FBXL17: variants seen among roughly 807,000 people sequenced by gnomAD.
FBXL17 encodes the protein F-box and leucine rich repeat protein 17, also known as F-box/LRR-repeat protein 17.
FBXL17 carries 22 observed loss-of-function variants against 66.2 expected under a neutral mutation model. The observed-to-expected ratio is 0.33, with a 90% CI of 0.24 to 0.47. FBXL17 has a LOEUF of 0.47. FBXL17 is among the 20% of genes least tolerant of loss of function. FBXL17 has a pLI of 1.00. For synonymous variants in FBXL17, 474 were observed against 400.5 expected (o/e 1.18, Z -2.19); for missense variants, 878 against 948.2 (o/e 0.93, Z 0.97).
At chr5:108,272,317 T>TA (rs1279588963) in intron 4 of FBXL17, among the ~76,000 whole-genome samples, 1 of 151,042 alleles carries the variant, frequency 6.6e-6, no homozygotes, top group Non-Finnish European at 1.5e-5. Flanking sequence ...AAATAAAAAT[T>TA]AAAAAATAAA....
At chr5:108,236,952 T>C (rs140543184) in intron 4 of FBXL17, among the ~76,000 whole-genome samples, 5,085 of 152,256 alleles carry the variant, frequency 0.033, 100 homozygotes, top group Non-Finnish European at 0.045. Context: ...AACAGTCATA[T>C]AGATTCGGGT....
chr5:108,088,146 GA>G (rs1192577511), intron 6 of FBXL17, among the ~76,000 whole-genome samples: 1 of 152,046 alleles, frequency 6.6e-6, no homozygotes, highest in African/African-American at 2.4e-5. Flanking sequence ...TAAACCTGGA[GA>G]TCAATTGAAC....
At chr5:107,939,838 A>G (rs937056215) in intron 7 of FBXL17, among the ~76,000 whole-genome samples, 4 of 152,094 alleles carry the variant, frequency 2.6e-5, no homozygotes, top group African/African-American at 9.7e-5. Context: ...CCTGGAAGAG[A>G]AGACCAGGAG....
At position 108,223,145 on chromosome 5, in the gene FBXL17, G is replaced by T. The variant is rs150826870; in HGVS notation, c.1614+976C>A. 1.9e-3 allele frequency among the ~76,000 whole-genome samples: 296 copies of T among 152,122 alleles called. 2 individuals carry two copies. The highest frequency in any genetic ancestry group is 6.9e-3 in the African/African-American group (288 of 41,492). ...ATCTGAGGTTATAATGGCGCCCAGG[G>T]TCCTATTCACTGTATGATCCTACCA... is the stretch of plus-strand genomic sequence containing the variant. On this transcript the variant is annotated intron_variant, in intron 5 of 8. Transcript: ENST00000542267.
chr5:108,286,590 G>C (rs930433558), intron 4 of FBXL17, among the ~76,000 whole-genome samples: 2 of 151,982 alleles, frequency 1.3e-5, no homozygotes, highest in Non-Finnish European at 2.9e-5. Context: ...AACCAGAGAG[G>C]TGAAGGATCT....
rs1320575264 is a variant in FBXL17, at chr5:108,118,065, G to A, written c.1745+68052C>T. ...GCAGGTGGGCTAACTTAATGATATG[G>A]TATAGTTCTACCTCAGGATTTTTTC... On this transcript the variant is annotated intron_variant, in intron 6 of 8. Coordinates refer to ENST00000542267, the MANE Select transcript of FBXL17 (RefSeq NM_001163315.3). Among the ~76,000 whole-genome samples, 4 of 152,074 alleles carry A rather than the reference G, an allele frequency of 2.6e-5. No individual in the cohort carries two copies. The South Asian group carries it at 6.2e-4, about 24-fold the overall frequency.
chr5:107,945,204 T>C (rs144738649), intron 7 of FBXL17, among the ~76,000 whole-genome samples: 154 of 152,196 alleles, frequency 1.0e-3, no homozygotes, highest in African/African-American at 3.7e-3. Flanking sequence ...ATTTAAACCT[T>C]AAGGAGATTC....
chr5:108,046,075 G>A (rs1159147798), intron 6 of FBXL17, among the ~76,000 whole-genome samples: 2 of 152,154 alleles, frequency 1.3e-5, no homozygotes, highest in East Asian at 3.8e-4. Context: ...AACTACAACT[G>A]TAGATTTATC....
chr5:108,154,616 TACACACACAC>T (rs768615062), intron 6 of FBXL17, among the ~76,000 whole-genome samples: 50 of 96,292 alleles, frequency 5.2e-4, no homozygotes, highest in African/African-American at 2.0e-3. Context: ...AATATATATA[TACACACACAC>T]ACACACACAC....
intron 4 of FBXL17, among the ~76,000 whole-genome samples, chr5:108,269,985 T>C (rs1303599753): frequency 6.6e-6 from 1 of 151,482 alleles, no homozygotes; most frequent in Non-Finnish European, 1.5e-5. Context: ...ATTAGGTAGG[T>C]CCCAGCAGAA....
At chr5:107,876,283 C>T (rs1215224688) in intron 8 of FBXL17, among the ~76,000 whole-genome samples, 4 of 152,156 alleles carry the variant, frequency 2.6e-5, no homozygotes, top group African/African-American at 4.8e-5. Flanking sequence ...CCCTCAATAA[C>T]GCTCTTTAAT....
At chr5:107,909,561 C>G (rs1426962798) in intron 7 of FBXL17, among the ~76,000 whole-genome samples, 4 of 152,274 alleles carry the variant, frequency 2.6e-5, no homozygotes, top group African/African-American at 9.6e-5. Flanking sequence ...TGCCCCTAAA[C>G]TAAAATATTT....
At chr5:108,006,720 A>C (rs1483823551) in intron 7 of FBXL17, among the ~76,000 whole-genome samples, 1 of 152,216 alleles carries the variant, frequency 6.6e-6, no homozygotes, top group Non-Finnish European at 1.5e-5. Context: ...TAGGAAAGTC[A>C]AAACGCAGCT....
At chr5:108,358,789 T>G (rs1748158088) in intron 3 of FBXL17, among the ~76,000 whole-genome samples, 2 of 152,160 alleles carry the variant, frequency 1.3e-5, no homozygotes, top group African/African-American at 4.8e-5. Context: ...TTGAAAACAT[T>G]CACCATCAAA....
At position 108,036,369 on chromosome 5, in the gene FBXL17, G is replaced by T. The variant is rs376131247; in HGVS notation, c.1746-15368C>A. Reference sequence around the variant, plus strand: ...GCATATTTTGCGTGGCTGAGTCAGGGTGTCAAATAAACTTCTGAATATGGA... The same window carrying T: ...GCATATTTTGCGTGGCTGAGTCAGGTTGTCAAATAAACTTCTGAATATGGA... On this transcript the variant is annotated intron_variant, in intron 6 of 8. Transcript: ENST00000542267. Among the ~76,000 whole-genome samples the T allele has an allele frequency of 3.3e-4, 51 of 152,244 alleles. 3 individuals are homozygous for T. The East Asian group carries it at 4.8e-3, about 14-fold the overall frequency.
chr5:108,292,127 T>C (rs1225023905), intron 4 of FBXL17, among the ~76,000 whole-genome samples: 1 of 91,466 alleles, frequency 1.1e-5, no homozygotes, highest in African/African-American at 4.2e-5. Flanking sequence ...ACGAAAAAGC[T>C]TTTTTTTTTT....
intron 6 of FBXL17, among the ~76,000 whole-genome samples, chr5:108,166,733 C>G (rs1423514916): frequency 6.6e-6 from 1 of 152,106 alleles, no homozygotes; most frequent in East Asian, 1.9e-4. Flanking sequence ...CCAATCAGAT[C>G]CTTTGATTCT....
At chr5:108,122,588 G>T (rs571875476) in intron 6 of FBXL17, among the ~76,000 whole-genome samples, 5 of 152,274 alleles carry the variant, frequency 3.3e-5, no homozygotes, top group Admixed American at 3.3e-4. Flanking sequence ...ATAATCTCTA[G>T]AGAGAAATGA....
intron 5 of FBXL17, among the ~76,000 whole-genome samples, chr5:108,194,632 C>T (rs1753605616): frequency 6.6e-6 from 1 of 152,172 alleles, no homozygotes. Context: ...ATCAATCTCT[C>T]ATCACAAACA....
Sources: gnomAD v4.1 joint callset for allele counts (sites outside exome capture counted in the v4.1 genomes callset) on GRCh38, gnomAD v4.1.1 for gene constraint, MANE v1.5 for transcripts, NCBI Gene and HGNC (gene_info 2026-07-23, HGNC 2026-07-21) for gene names.